ATR: variants seen among roughly 807,000 people sequenced by gnomAD.
ATR encodes ATR checkpoint kinase.
A neutral mutation model predicts 305.3 loss-of-function variants in ATR; 142 were observed. The observed-to-expected ratio is 0.47, with a 90% CI of 0.41 to 0.53. The LOEUF is 0.53. Among genes scored for constraint, ATR ranks in the 20% least tolerant of loss-of-function variants. The pLI is 0.00. For synonymous variants in ATR, 1,050 were observed against 1,068.1 expected (o/e 0.98, Z 0.33); for missense variants, 2,135 against 3,133.1 (o/e 0.68, Z 7.60).
chr3:142,462,820 T>C (rs559991453), intron 41 of ATR, among the ~76,000 whole-genome samples: 120 of 152,290 alleles, frequency 7.9e-4, no homozygotes, highest in African/African-American at 2.6e-3. Context: ...TTCTATGACA[T>C]CCTCAAAATG....
chr3:142,568,720 GCCTGCTC>G (rs1343162567), intron 1 of ATR, among the ~76,000 whole-genome samples: 1 of 152,224 alleles, frequency 6.6e-6, no homozygotes, highest in Non-Finnish European at 1.5e-5. Context: ...ACTTGGAAAT[GCCTGCTC>G]CCGCTGCCTG....
At chr3:142,518,642 T>C (rs1359690840) in intron 24 of ATR, among the ~76,000 whole-genome samples, 3 of 152,172 alleles carry the variant, frequency 2.0e-5, no homozygotes, top group South Asian at 2.1e-4. Context: ...TTTCTAAGTA[T>C]AAAAAATTAT....
rs187701254 is a variant in ATR, at chr3:142,530,500, T to C, written c.3945+4580A>G. 1.8e-4 allele frequency among the ~76,000 whole-genome samples: 27 copies of C among 152,330 alleles called. No homozygotes were observed. The East Asian group carries it at 5.2e-3, about 29-fold the overall frequency. On this transcript the variant is annotated intron_variant, in intron 21 of 46. Transcript: ENST00000350721. Reference sequence around the variant, plus strand: ...TATTTTTTCTACACATATTGTGAAATTTCTAAACTAGAAAACCCTCCATAA... The same window carrying C: ...TATTTTTTCTACACATATTGTGAAACTTCTAAACTAGAAAACCCTCCATAA...
At chr3:142,496,895 T>C (rs2031679155) in intron 33 of ATR, 118 bp downstream of exon 33, 1 of 1,228,592 alleles carries the variant, frequency 8.1e-7, no homozygotes, top group Non-Finnish European at 1.1e-6. Context: ...GCCCTGATCA[T>C]TAAAAATAGA....
At chr3:142,450,452 G>A in intron 46 of ATR, 1 of 1,600,376 alleles carries the variant, frequency 6.2e-7, no homozygotes, top group Non-Finnish European at 8.5e-7. Context: ...CATCACCACA[G>A]AGCTATTACT....
chr3:142,518,315 G>A (rs1354080333), intron 24 of ATR, among the ~76,000 whole-genome samples: 1 of 152,190 alleles, frequency 6.6e-6, no homozygotes, highest in Non-Finnish European at 1.5e-5. Context: ...TTAAGGCCAG[G>A]AGACCAGCCT....
intron 15 of ATR, among the ~76,000 whole-genome samples, chr3:142,549,235 G>T (rs956961291): frequency 2.0e-5 from 3 of 152,132 alleles, no homozygotes; most frequent in Non-Finnish European, 4.4e-5. Context: ...GAAATAGGCT[G>T]AGAACCTCTC....
intron 45 of ATR, among the ~76,000 whole-genome samples, chr3:142,455,058 G>T (rs1464912050): frequency 2.0e-5 from 3 of 152,114 alleles, no homozygotes; most frequent in Non-Finnish European, 1.5e-5. Flanking sequence ...ACTAATACAT[G>T]AATTCAGCAG....
rs865774326 is a variant in ATR at position 142,536,295 on chromosome 3, C to A, written c.3726-94G>T. ...AGTTGAAACTAAGGCCAATTTAATT[C>A]ATAATTAAAAGTGCTAGTTGATTAC... On this transcript the variant is annotated intron_variant, in intron 19 of 46. Transcript: ENST00000350721. 8 of 893,990 alleles carry A rather than the reference C, an allele frequency of 8.9e-6. No homozygotes were observed. The Middle Eastern group carries it at 9.9e-4, about 110-fold the overall frequency. The allele number at this position is 893,990 out of a possible 1,614,324, so 55.4% of individuals were successfully genotyped here.
intron 23 of ATR, among the ~76,000 whole-genome samples, chr3:142,520,365 AGAAATGACTAAGCCTAGT>A (rs1399337981): frequency 1.3e-5 from 2 of 152,204 alleles, no homozygotes; most frequent in African/African-American, 4.8e-5. Flanking sequence ...ATCAAAAGCT[AGAAATGACTAAGCCTAGT>A]GAAGAAGGCA....
intron 24 of ATR, among the ~76,000 whole-genome samples, chr3:142,518,834 T>C (rs2033021209): frequency 4.6e-5 from 7 of 152,178 alleles, no homozygotes; most frequent in Admixed American, 3.3e-4. Flanking sequence ...ATTTTTTTCA[T>C]ATAAAATGCT....
chr3:142,575,329 A>G (rs910220619), intron 1 of ATR, among the ~76,000 whole-genome samples: 20 of 152,094 alleles, frequency 1.3e-4, no homozygotes, highest in African/African-American at 4.8e-4. Context: ...CACTAACAAT[A>G]TAAAAATTAG....
intron 16 of ATR, among the ~76,000 whole-genome samples, chr3:142,547,435 A>T (rs769645478): frequency 5.3e-5 from 8 of 152,184 alleles, no homozygotes; most frequent in Non-Finnish European, 1.2e-4. Flanking sequence ...AAACACTTAA[A>T]AGTCCACATT....
chr3:142,493,129 T>C lies in ATR; in HGVS notation c.6078+3A>G. On this transcript the variant is annotated splice_donor_region_variant and intron_variant, in intron 35 of 46. Transcript: ENST00000350721. Reference sequence around the variant, plus strand: ...ACTGAAACTGCATTATACATATACTTGCCTTATATTTTTTCATAATTGCAT... The same window carrying C: ...ACTGAAACTGCATTATACATATACTCGCCTTATATTTTTTCATAATTGCAT... 1.5e-5 allele frequency: 25 copies of C among 1,613,338 alleles called. No homozygotes were observed. The highest frequency in any genetic ancestry group is 2.1e-5 in the Non-Finnish European group (25 of 1,179,492).
At chr3:142,499,225 C>A in intron 31 of ATR, 1 of 344,386 alleles carries the variant, frequency 2.9e-6, no homozygotes, top group Non-Finnish European at 5.6e-6. Context: ...AATCATAAAA[C>A]AGGCTAAGAT....
intron 10 of ATR, 108 bp downstream of exon 10, chr3:142,555,769 G>A: frequency 7.6e-7 from 1 of 1,320,626 alleles, no homozygotes; most frequent in Non-Finnish European, 1.0e-6. Context: ...AATCTATAAA[G>A]CATGTAACTT....
At chr3:142,529,113 C>T (rs1162257856) in intron 21 of ATR, among the ~76,000 whole-genome samples, 1 of 151,242 alleles carries the variant, frequency 6.6e-6, no homozygotes, top group Admixed American at 6.6e-5. Flanking sequence ...AACTCCTGAC[C>T]TCGTGATCTG....
chr3:142,566,678 G>A (rs1354511905), intron 2 of ATR, among the ~76,000 whole-genome samples: 1 of 150,348 alleles, frequency 6.7e-6, no homozygotes, highest in East Asian at 1.9e-4. Flanking sequence ...CCAGACTTTG[G>A]TGACCAGAAT....
At chr3:142,527,690 T>C (rs905300719) in intron 21 of ATR, among the ~76,000 whole-genome samples, 24 of 152,222 alleles carry the variant, frequency 1.6e-4, no homozygotes, top group Admixed American at 1.1e-3. Context: ...TTTTCTTAAA[T>C]AGTTTTAATA....
Sources: gnomAD v4.1 joint callset for allele counts (sites outside exome capture counted in the v4.1 genomes callset) on GRCh38, gnomAD v4.1.1 for gene constraint, MANE v1.5 for transcripts, NCBI Gene and HGNC (gene_info 2026-07-23, HGNC 2026-07-21) for gene names.